Variants in CADM2 observed in about 807,000 individuals in gnomAD.
CADM2 encodes immunoglobulin superfamily member 4D.
In CADM2, 12 loss-of-function variants were observed where a neutral mutation model predicts 49.8. That is an observed-to-expected ratio of 0.24 (90% CI 0.15 to 0.39). CADM2 has a LOEUF of 0.39. Ranked by LOEUF, CADM2 falls within the 10% of genes least tolerant of loss-of-function variation. The pLI is 1.00. For synonymous variants in CADM2, 214 were observed against 175.4 expected, an observed-to-expected ratio of 1.22 and a Z score of -1.74; for missense variants, 378 against 492.3, an observed-to-expected ratio of 0.77 and a Z score of 2.20.
At chr3:85,765,913 C>G (rs950758435) in intron 2 of CADM2, among the ~76,000 whole-genome samples, 4 of 152,068 alleles carry the variant, frequency 2.6e-5, no homozygotes, top group African/African-American at 9.7e-5. Flanking sequence ...GTGCTCAGAT[C>G]ACATTTGATT....
chr3:85,988,626 G>C (rs573604466), intron 8 of CADM2, among the ~76,000 whole-genome samples: 21 of 152,054 alleles, frequency 1.4e-4, no homozygotes, highest in Non-Finnish European at 2.6e-4. Context: ...AGTTAAAAAA[G>C]AAAGGGTCAA....
chr3:85,364,867 TACA>T (rs57254550), intron 1 of CADM2, among the ~76,000 whole-genome samples: 8,960 of 147,250 alleles, frequency 0.061, 403 homozygotes, highest in South Asian at 0.16. Context: ...TGCTTGTTCC[TACA>T]ACAACAACAA....
At chr3:85,568,866 C>A (rs1034439442) in intron 1 of CADM2, among the ~76,000 whole-genome samples, 1 of 152,012 alleles carries the variant, frequency 6.6e-6, no homozygotes, top group Non-Finnish European at 1.5e-5. Flanking sequence ...CCTCGGCCTT[C>A]CAATACGGAC....
intron 2 of CADM2, among the ~76,000 whole-genome samples, chr3:85,727,974 A>C (rs1404395704): frequency 1.3e-5 from 2 of 152,276 alleles, no homozygotes; most frequent in Admixed American, 6.5e-5. Context: ...TAGAAAAATA[A>C]ATTCTAAGAT....
At chr3:85,721,573 G>T (rs2067503979) in intron 1 of CADM2, among the ~76,000 whole-genome samples, 1 of 152,172 alleles carries the variant, frequency 6.6e-6, no homozygotes, top group African/African-American at 2.4e-5. Context: ...TGCTCCAGCA[G>T]GGCGGGCAGC....
intron 8 of CADM2, among the ~76,000 whole-genome samples, chr3:85,964,009 C>G (rs745992735): frequency 3.3e-5 from 5 of 151,788 alleles, no homozygotes; most frequent in Non-Finnish European, 7.4e-5. Context: ...TTAAAAGGGG[C>G]GCCAATTGGG....
chr3:85,529,081 G>GA (rs892120352), intron 1 of CADM2, among the ~76,000 whole-genome samples: 6 of 151,620 alleles, frequency 4.0e-5, no homozygotes, highest in Non-Finnish European at 7.4e-5. Flanking sequence ...TTAAAGTTCA[G>GA]AAAAAAAATG....
At chr3:85,379,164 C>T (rs2033758458) in intron 1 of CADM2, among the ~76,000 whole-genome samples, 1 of 151,802 alleles carries the variant, frequency 6.6e-6, no homozygotes, top group African/African-American at 2.4e-5. Flanking sequence ...AAAATATTAC[C>T]ATTGTAAACT....
rs1703389992 is a variant in CADM2 at position 86,073,477 on chromosome 3, A to G, written c.*6694A>G. On this transcript the variant is annotated 3_prime_UTR_variant, in exon 10 of 10. Coordinates refer to ENST00000383699, the MANE Select transcript of CADM2 (RefSeq NM_001167675.2). ...ATGACACTTGCATGTTGATATGCCT[A>G]TATACTTACAAAGTATTCAATGTGT... 6.6e-6 allele frequency: 1 copy of G among 152,068 alleles called. No homozygotes were observed. The highest frequency in any genetic ancestry group is 1.5e-5 in the Non-Finnish European group (1 of 67,918). The allele number at this position is 152,068 out of a possible 1,614,324, so 9.4% of individuals were successfully genotyped here.
At chr3:85,854,849 A>C (rs894190278) in intron 3 of CADM2, among the ~76,000 whole-genome samples, 1 of 152,138 alleles carries the variant, frequency 6.6e-6, no homozygotes, top group Non-Finnish European at 1.5e-5. Context: ...TCAGATCTCC[A>C]CCTGTCCTCC....
Position 85,442,588 on chromosome 3 carries a change from GTATATATATATA to G in CADM2, c.62-283900_62-283889del, listed in dbSNP as rs55882841. 6.4e-3 allele frequency among the ~76,000 whole-genome samples: 778 copies of G among 120,906 alleles called. 7 individuals carry two copies. Among genetic ancestry groups the G allele is most frequent in the African/African-American group, 0.028 (619 of 22,178 alleles). The allele number at this position is 120,906 out of a possible 152,430, so 79.3% of individuals were successfully genotyped here. A position where few individuals can be genotyped will look rare whatever the true frequency, so the allele number is the denominator to read the frequency against. On this transcript the variant is annotated intron_variant, in intron 1 of 9. Transcript: ENST00000383699. ...TATTTAAAATAATGCTTATATATGA[GTATATATATATA>G]TATATATATATATATATATATATAT...
intron 7 of CADM2, among the ~76,000 whole-genome samples, chr3:85,951,667 C>G (rs1310300978): frequency 6.6e-6 from 1 of 150,956 alleles, no homozygotes; most frequent in African/African-American, 2.4e-5. Flanking sequence ...CAAAAAACCT[C>G]CAAGATACAG....
In CADM2 at chr3:85,371,661, A is replaced by ATGTGTGTGTG. The variant is rs760996256; in HGVS notation, c.62-354853_62-354844dup. The stretch of plus-strand genomic sequence containing the variant: ...TGTGTGTGCATGGGGATATATATAT[A>ATGTGTGTGTG]TGTGTGTGTGTGTGTGTATATATAT... On this transcript the variant is annotated intron_variant, in intron 1 of 9. Coordinates refer to ENST00000383699, the MANE Select transcript of CADM2 (RefSeq NM_001167675.2). Among the ~76,000 whole-genome samples, 29 of 53,474 alleles carry ATGTGTGTGTG rather than the reference A, an allele frequency of 5.4e-4. 1 individual carries two copies. Among genetic ancestry groups the ATGTGTGTGTG allele is most frequent in the Admixed American group, 1.8e-3 (7 of 3,802 alleles). 35.1% of individuals were successfully genotyped at this position (53,474 alleles called of 152,430 possible).
chr3:85,626,218 G>A (rs533733919), intron 1 of CADM2, among the ~76,000 whole-genome samples: 1 of 152,024 alleles, frequency 6.6e-6, no homozygotes, highest in East Asian at 1.9e-4. Context: ...TCGTAAGAAA[G>A]GGAAATGATT....
chr3:85,236,487 T>G (rs1382485301), intron 1 of CADM2, among the ~76,000 whole-genome samples: 1 of 152,074 alleles, frequency 6.6e-6, no homozygotes, highest in East Asian at 1.9e-4. Flanking sequence ...ATGGTTTATT[T>G]TTAAAGAATA....
Position 86,024,538 on chromosome 3 carries a change from T to C in CADM2, c.971-41067T>C, listed in dbSNP as rs113801491. Among the ~76,000 whole-genome samples the C allele has an allele frequency of 4.1e-3, 617 of 152,318 alleles. 1 individual carries two copies. The highest frequency in any genetic ancestry group is 8.6e-3 in the Admixed American group (132 of 15,298). On this transcript the variant is annotated intron_variant, in intron 8 of 9. Transcript: ENST00000383699. ...GAGGTCTGCTCAAATTAGTATGTTG[T>C]TAGTAATTTGGAGCAATTATATATG...
intron 2 of CADM2, among the ~76,000 whole-genome samples, chr3:85,729,992 G>A (rs370319506): frequency 2.0e-5 from 3 of 152,198 alleles, no homozygotes; most frequent in South Asian, 4.1e-4. Context: ...TTTGCTATAT[G>A]TTCTCATGAC....
intron 7 of CADM2, among the ~76,000 whole-genome samples, chr3:85,938,608 C>T (rs1222714104): frequency 6.6e-6 from 1 of 151,766 alleles, no homozygotes; most frequent in Non-Finnish European, 1.5e-5. Context: ...GGTTAGAATT[C>T]CCTGTTTTAC....
chr3:85,943,179 G>T (rs1013218101), intron 7 of CADM2, among the ~76,000 whole-genome samples: 28 of 148,902 alleles, frequency 1.9e-4, no homozygotes, highest in African/African-American at 6.3e-4. Flanking sequence ...TTTTGATGGG[G>T]TTGTTTGTTT....
Sources: gnomAD v4.1 joint callset for allele counts (sites outside exome capture counted in the v4.1 genomes callset) on GRCh38, gnomAD v4.1.1 for gene constraint, MANE v1.5 for transcripts, NCBI Gene and HGNC (gene_info 2026-07-23, HGNC 2026-07-21) for gene names.